The following SPOCK1 variants were observed in gnomAD, a reference collection of about 807,000 sequenced individuals.
SPOCK1 encodes the protein SPARC (osteonectin), cwcv and kazal like domains proteoglycan 1, also known as testican-1.
In SPOCK1, 23 loss-of-function variants were observed where a neutral mutation model predicts 55.3. The ratio of observed to expected loss-of-function variants is 0.42; its 90% CI spans 0.30 to 0.59. The LOEUF is 0.59. Among genes scored for constraint, SPOCK1 ranks in the 20% least tolerant of loss-of-function variants. The pLI, the probability that SPOCK1 is intolerant of heterozygous loss-of-function variation, is 0.22. For synonymous variants in SPOCK1, 226 were observed against 221.0 expected (o/e 1.02, Z -0.20); for missense variants, 499 against 552.5 (o/e 0.90, Z 0.97).
chr5:137,297,232 T>TTA (rs1200124691), intron 2 of SPOCK1, among the ~76,000 whole-genome samples: 1 of 152,234 alleles, frequency 6.6e-6, no homozygotes, highest in Admixed American at 6.5e-5. Flanking sequence ...ATGTGTCTAC[T>TTA]TATCTCCCTT....
At chr5:137,067,653 C>A in intron 6 of SPOCK1, 62 bp downstream of exon 6, 1 of 1,438,922 alleles carries the variant, frequency 6.9e-7, no homozygotes, top group South Asian at 1.1e-5. Context: ...AGCTCGGCCA[C>A]ATCAACCCTC....
At chr5:137,392,038 C>T (rs1303532895) in intron 2 of SPOCK1, among the ~76,000 whole-genome samples, 1 of 152,196 alleles carries the variant, frequency 6.6e-6, no homozygotes, top group Non-Finnish European at 1.5e-5. Context: ...AGTTTTCTTC[C>T]TTGTGGCTTT....
chr5:137,266,970 T>C (rs1756867717), intron 3 of SPOCK1, 40 bp downstream of exon 3: 1 of 1,577,674 alleles, frequency 6.3e-7, no homozygotes. Context: ...GAGACCACAT[T>C]TACCACAGAC....
chr5:136,992,014 T>G (rs1445377571), intron 7 of SPOCK1, among the ~76,000 whole-genome samples: 3 of 152,222 alleles, frequency 2.0e-5, no homozygotes, highest in Non-Finnish European at 2.9e-5. Flanking sequence ...GTGTTACTTC[T>G]ATTAGCCTAA....
At chr5:137,376,293 C>G (rs1751313118) in intron 2 of SPOCK1, among the ~76,000 whole-genome samples, 1 of 152,192 alleles carries the variant, frequency 6.6e-6, no homozygotes, top group Non-Finnish European at 1.5e-5. Context: ...CACCTACCAC[C>G]CTCCTCCTGC....
chr5:137,026,706 G>C (rs1379998852), intron 6 of SPOCK1, among the ~76,000 whole-genome samples: 1 of 152,138 alleles, frequency 6.6e-6, no homozygotes, highest in East Asian at 1.9e-4. Context: ...TCAATATCCA[G>C]AAGAATCCAA....
intron 2 of SPOCK1, among the ~76,000 whole-genome samples, chr5:137,433,067 C>T (rs1182482773): frequency 6.6e-6 from 1 of 152,194 alleles, no homozygotes; most frequent in Non-Finnish European, 1.5e-5. Flanking sequence ...TCACAAATAG[C>T]CACACTACAA....
intron 2 of SPOCK1, among the ~76,000 whole-genome samples, chr5:137,355,618 G>A (rs1750774954): frequency 6.6e-6 from 1 of 152,190 alleles, no homozygotes; most frequent in Admixed American, 6.5e-5. Context: ...ATGAGTGTTT[G>A]CAGTGACCAT....
chr5:137,350,809 G>A (rs934045906), intron 2 of SPOCK1, among the ~76,000 whole-genome samples: 1 of 152,010 alleles, frequency 6.6e-6, no homozygotes, highest in Non-Finnish European at 1.5e-5. Flanking sequence ...GTGTGTGTGT[G>A]TGTGTGTGTC....
intron 3 of SPOCK1, among the ~76,000 whole-genome samples, chr5:137,179,420 G>A (rs1021603185): frequency 6.6e-6 from 1 of 152,136 alleles, no homozygotes; most frequent in African/African-American, 2.4e-5. Flanking sequence ...CTGTCACACA[G>A]GGTGAATTAC....
chr5:137,232,243 G>A (rs2127094396), intron 3 of SPOCK1, among the ~76,000 whole-genome samples: 1 of 152,198 alleles, frequency 6.6e-6, no homozygotes. Flanking sequence ...GGTTTTTGGT[G>A]TCAAGTCTGA....
chr5:137,042,965 G>A (rs1392637573), intron 6 of SPOCK1, among the ~76,000 whole-genome samples: 1 of 152,074 alleles, frequency 6.6e-6, no homozygotes, highest in African/African-American at 2.4e-5. Context: ...AGCACAATGA[G>A]TGCTAGGATC....
At chr5:137,219,176 T>C (rs147413005) in intron 3 of SPOCK1, among the ~76,000 whole-genome samples, 1,651 of 152,324 alleles carry the variant, frequency 0.011, 28 homozygotes, top group African/African-American at 0.037. Context: ...ACAAATACAC[T>C]GTGTTCTTTG....
chr5:137,304,099 C>T (rs1757657768), intron 2 of SPOCK1, among the ~76,000 whole-genome samples: 1 of 149,998 alleles, frequency 6.7e-6, no homozygotes. Context: ...GTTATAAAAG[C>T]AATTCCTACT....
intron 5 of SPOCK1, among the ~76,000 whole-genome samples, chr5:137,076,699 TACC>T (rs936484879): frequency 1.3e-5 from 2 of 151,638 alleles, no homozygotes; most frequent in Non-Finnish European, 2.9e-5. Flanking sequence ...CTTAAAGTCA[TACC>T]ATTTTCAGTT....
intron 2 of SPOCK1, among the ~76,000 whole-genome samples, chr5:137,419,281 C>T (rs564859890): frequency 6.6e-6 from 1 of 152,254 alleles, no homozygotes; most frequent in African/African-American, 2.4e-5. Flanking sequence ...CTTGGAAATG[C>T]AGGCTCTTTT....
At chr5:137,295,615 T>TC (rs1757463563) in intron 2 of SPOCK1, among the ~76,000 whole-genome samples, 1 of 152,110 alleles carries the variant, frequency 6.6e-6, no homozygotes, top group African/African-American at 2.4e-5. Flanking sequence ...CGTGACTTTT[T>TC]CCCCCAGTAC....
At chr5:137,486,434 C>T (rs1669475885) in intron 2 of SPOCK1, among the ~76,000 whole-genome samples, 1 of 152,236 alleles carries the variant, frequency 6.6e-6, no homozygotes, top group African/African-American at 2.4e-5. Flanking sequence ...TCCCTGACCT[C>T]CAAGCACCTC....
At chr5:137,227,843 C>A (rs1755974283) in intron 3 of SPOCK1, among the ~76,000 whole-genome samples, 1 of 152,202 alleles carries the variant, frequency 6.6e-6, no homozygotes, top group Non-Finnish European at 1.5e-5. Flanking sequence ...AGACCCTTCC[C>A]TCCTCTGAAT....
Sources: gnomAD v4.1 joint callset for allele counts (sites outside exome capture counted in the v4.1 genomes callset) on GRCh38, gnomAD v4.1.1 for gene constraint, MANE v1.5 for transcripts, NCBI Gene and HGNC (gene_info 2026-07-23, HGNC 2026-07-21) for gene names.